The following ZNF385D variants were observed in gnomAD, a reference collection of about 807,000 sequenced individuals.
ZNF385D encodes the protein zinc finger protein 659.
A neutral mutation model predicts 35.8 loss-of-function variants in ZNF385D; 15 were observed. The observed-to-expected ratio is 0.42, with a 90% confidence interval of 0.28 to 0.64. The LOEUF (loss-of-function observed/expected upper bound fraction) is 0.64. ZNF385D is among the 30% of genes least tolerant of loss of function. The pLI is 0.23. For synonymous variants in ZNF385D, 212 were observed against 186.8 expected (o/e 1.13, Z -1.10); for missense variants, 474 against 494.6 (o/e 0.96, Z 0.39).
chr3:21,911,195 A>G (rs753393573), intron 3 of ZNF385D, among the ~76,000 whole-genome samples: 4 of 152,042 alleles, frequency 2.6e-5, no homozygotes, highest in African/African-American at 4.8e-5. Flanking sequence ...ATTACAAAAC[A>G]TAGCACAAGT....
intron 2 of ZNF385D, among the ~76,000 whole-genome samples, chr3:22,222,904 T>C (rs1291092830): frequency 6.6e-6 from 1 of 152,132 alleles, no homozygotes; most frequent in Non-Finnish European, 1.5e-5. Flanking sequence ...TTGCTGTTAG[T>C]GCTCATTTAA....
chr3:21,714,620 CCTTA>C (rs1279773760), intron 1 of ZNF385D, among the ~76,000 whole-genome samples: 1 of 152,174 alleles, frequency 6.6e-6, no homozygotes, highest in East Asian at 1.9e-4. Flanking sequence ...AGTTTTTCCT[CCTTA>C]CTGTGTCCTA....
In ZNF385D at chr3:22,324,889, G is replaced by A. The variant is rs564499901; in HGVS notation, c.106+47561C>T. Among the ~76,000 whole-genome samples the A allele has an allele frequency of 8.5e-5, 13 of 152,254 alleles. No individual in the cohort carries two copies. In the East Asian group the frequency reaches 2.3e-3, roughly 27 times the overall value. ...TGATTAAAAGAGAGATCCTACTAGA[G>A]CAGCCAAACTGTCTGGATTTCAATC... On this transcript the variant is annotated intron_variant, in intron 2 of 5. Coordinates refer to the ZNF385D transcript ENST00000494108.
At chr3:22,283,494 C>T (rs1701872213) in intron 2 of ZNF385D, among the ~76,000 whole-genome samples, 1 of 152,092 alleles carries the variant, frequency 6.6e-6, no homozygotes. Context: ...TCCTAATCTT[C>T]CTTTCTTGCA....
chr3:21,642,116 C>A (rs1005966747), intron 2 of ZNF385D, among the ~76,000 whole-genome samples: 1 of 152,116 alleles, frequency 6.6e-6, no homozygotes, highest in African/African-American at 2.4e-5. Flanking sequence ...ATGCAAATGG[C>A]ACACCTAGCC....
chr3:21,947,150 A>G (rs1478776879), intron 3 of ZNF385D, among the ~76,000 whole-genome samples: 2 of 152,204 alleles, frequency 1.3e-5, no homozygotes, highest in Non-Finnish European at 2.9e-5. Flanking sequence ...TAATTAATAT[A>G]CCACTTGGAT....
intron 4 of ZNF385D, among the ~76,000 whole-genome samples, chr3:21,502,081 G>C (rs1050688557): frequency 6.6e-6 from 1 of 152,096 alleles, no homozygotes; most frequent in African/African-American, 2.4e-5. Flanking sequence ...ACTTCAGTAA[G>C]GCAACTGGGG....
At chr3:21,797,511 T>C (rs1262884067) in intron 3 of ZNF385D, among the ~76,000 whole-genome samples, 1 of 152,226 alleles carries the variant, frequency 6.6e-6, no homozygotes, top group Non-Finnish European at 1.5e-5. Flanking sequence ...AGTTGAAAAG[T>C]TATGTCCACA....
intron 3 of ZNF385D, among the ~76,000 whole-genome samples, chr3:21,818,532 A>G (rs1391146476): frequency 1.3e-5 from 2 of 152,172 alleles, no homozygotes; most frequent in Non-Finnish European, 2.9e-5. Flanking sequence ...TAAAAAGCCT[A>G]TTTCTCAGAG....
intron 3 of ZNF385D, among the ~76,000 whole-genome samples, chr3:21,843,827 C>T (rs763125025): frequency 1.3e-5 from 2 of 151,958 alleles, no homozygotes; most frequent in Non-Finnish European, 2.9e-5. Context: ...AGCATGGTAT[C>T]TTCCAGATGA....
intron 2 of ZNF385D, among the ~76,000 whole-genome samples, chr3:21,582,677 G>C (rs1417023772): frequency 1.3e-5 from 2 of 152,184 alleles, no homozygotes; most frequent in Non-Finnish European, 2.9e-5. Context: ...CTGAACCACA[G>C]GTGAAGCTAA....
chr3:21,429,242 G>C (rs565840257), intron 5 of ZNF385D, among the ~76,000 whole-genome samples: 1 of 151,886 alleles, frequency 6.6e-6, no homozygotes, highest in Admixed American at 6.6e-5. Flanking sequence ...TCACCAACTA[G>C]AGGTATATAA....
chr3:21,667,551 C>T (rs531601257), intron 1 of ZNF385D, among the ~76,000 whole-genome samples: 26 of 152,122 alleles, frequency 1.7e-4, no homozygotes, highest in Non-Finnish European at 4.4e-5. Flanking sequence ...TTCAGAAATT[C>T]GGTAAGGGTT....
chr3:22,327,433 A>G (rs1408183763), intron 2 of ZNF385D, among the ~76,000 whole-genome samples: 1 of 152,158 alleles, frequency 6.6e-6, no homozygotes, highest in African/African-American at 2.4e-5. Context: ...TAACTAACCC[A>G]TCCTGAAGTG....
At chr3:21,777,424 T>C (rs2071331655) in intron 3 of ZNF385D, among the ~76,000 whole-genome samples, 1 of 151,934 alleles carries the variant, frequency 6.6e-6, no homozygotes, top group Non-Finnish European at 1.5e-5. Context: ...AGCATCATGT[T>C]CATGGGTTAT....
At chr3:22,352,712 T>C (rs547959376) in intron 2 of ZNF385D, among the ~76,000 whole-genome samples, 10 of 152,266 alleles carry the variant, frequency 6.6e-5, no homozygotes, top group African/African-American at 2.4e-4. Context: ...TCTGAGTAAT[T>C]CATTCACTCT....
At chr3:21,518,194 T>C (rs1043960900) in intron 3 of ZNF385D, among the ~76,000 whole-genome samples, 1 of 152,190 alleles carries the variant, frequency 6.6e-6, no homozygotes, top group African/African-American at 2.4e-5. Flanking sequence ...TTGAACAATG[T>C]ATATTACTCA....
intron 3 of ZNF385D, among the ~76,000 whole-genome samples, chr3:22,095,394 G>A (rs1389015730): frequency 6.6e-6 from 1 of 151,200 alleles, no homozygotes; most frequent in Admixed American, 6.6e-5. Flanking sequence ...TTTTTCATAT[G>A]GTAACTTAGG....
At chr3:21,990,460 G>T (rs1695087840) in intron 3 of ZNF385D, among the ~76,000 whole-genome samples, 1 of 152,140 alleles carries the variant, frequency 6.6e-6, no homozygotes, top group South Asian at 2.1e-4. Flanking sequence ...GGGTGATAAG[G>T]TTAGAAAAGA....
Sources: allele counts gnomAD v4.1 joint callset (sites outside exome capture counted in the v4.1 genomes callset), GRCh38; gene constraint gnomAD v4.1.1; transcripts MANE v1.5; gene names NCBI Gene and HGNC (gene_info 2026-07-23, HGNC 2026-07-21).